The following RAB2A variants were observed in gnomAD, a reference collection of about 807,000 sequenced individuals.
The protein encoded by RAB2A is RAB2A, member RAS oncogene family.
Under a neutral mutation model 32.5 loss-of-function variants are expected in RAB2A, and 7 were observed. The observed-to-expected ratio is 0.22, with a 90% CI of 0.12 to 0.40. RAB2A has a LOEUF of 0.40. Ranked by LOEUF, RAB2A falls within the 10% of genes least tolerant of loss-of-function variation. The pLI is 1.00. For synonymous variants in RAB2A, 79 were observed against 85.2 expected, an observed-to-expected ratio of 0.93 and a Z score of 0.40; for missense variants, 108 against 260.7, an observed-to-expected ratio of 0.41 and a Z score of 4.03.
At chr8:60,591,184 C>T (rs1190454824) in intron 5 of RAB2A, among the ~76,000 whole-genome samples, 3 of 151,398 alleles carry the variant, frequency 2.0e-5, no homozygotes, top group Non-Finnish European at 4.4e-5. Flanking sequence ...ACTGCTACCT[C>T]CCCTCCCCCC....
chr8:60,538,651 C>G (rs1807593209), intron 1 of RAB2A, among the ~76,000 whole-genome samples: 1 of 152,188 alleles, frequency 6.6e-6, no homozygotes, highest in African/African-American at 2.4e-5. Flanking sequence ...TGGACAGCTG[C>G]CCTCTTTGTG....
At chr8:60,526,335 A>T (rs1480319907) in intron 1 of RAB2A, among the ~76,000 whole-genome samples, 1 of 151,912 alleles carries the variant, frequency 6.6e-6, no homozygotes, top group Non-Finnish European at 1.5e-5. Context: ...ACCTACCCAC[A>T]TCCCTTGGCC....
At chr8:60,575,916 A>G (rs946539724) in intron 3 of RAB2A, among the ~76,000 whole-genome samples, 8 of 152,022 alleles carry the variant, frequency 5.3e-5, no homozygotes, top group Non-Finnish European at 8.8e-5. Flanking sequence ...CAGCCTCCCA[A>G]AGTGCTGGGA....
rs1198435785 is a variant in RAB2A, at chr8:60,622,580, G to A, written c.*1811G>A. ...CAGGTACTGCTCTATACCAAGAAGAGAATGATTCTTTGGAAATTGTTATTT... is the reference window on the plus strand; with the variant it reads ...CAGGTACTGCTCTATACCAAGAAGAAAATGATTCTTTGGAAATTGTTATTT... On this transcript the variant is annotated 3_prime_UTR_variant, in exon 8 of 8. Coordinates refer to ENST00000262646, the MANE Select transcript of RAB2A (RefSeq NM_002865.3). 4 of 152,174 alleles carry A rather than the reference G, an allele frequency of 2.6e-5. No individual in the cohort carries two copies. The highest frequency in any genetic ancestry group is 2.0e-4 in the Admixed American group (3 of 15,274). 9.4% of individuals were successfully genotyped at this position (152,174 alleles called of 1,614,324 possible).
intron 1 of RAB2A, among the ~76,000 whole-genome samples, chr8:60,543,941 A>T (rs1051058776): frequency 6.6e-6 from 1 of 151,732 alleles, no homozygotes; most frequent in African/African-American, 2.4e-5. Flanking sequence ...GGGTGCCTGT[A>T]ATCCCAGCTA....
At chr8:60,581,949 T>TC (rs910283988) in intron 3 of RAB2A, among the ~76,000 whole-genome samples, 3 of 150,164 alleles carry the variant, frequency 2.0e-5, no homozygotes, top group Admixed American at 6.6e-5. Flanking sequence ...TTTCTTTCTT[T>TC]TTTTTTTTTT....
At position 60,581,067 on chromosome 8, in the gene RAB2A, G is replaced by A. The variant is rs138308666; in HGVS notation, c.187-3141G>A. Reference sequence around the variant, plus strand: ...TGAGGAATAGATGCTAACACCCTCAGTAGATGCCTGAAATTGCAGATAGTG... The same window carrying A: ...TGAGGAATAGATGCTAACACCCTCAATAGATGCCTGAAATTGCAGATAGTG... On this transcript the variant is annotated intron_variant, in intron 3 of 7. Coordinates refer to ENST00000262646, the MANE Select transcript of RAB2A (RefSeq NM_002865.3). 2.9e-3 allele frequency among the ~76,000 whole-genome samples: 442 copies of A among 152,284 alleles called. 1 individual carries two copies. The highest frequency in any genetic ancestry group is 4.7e-3 in the Non-Finnish European group (322 of 68,016).
At chr8:60,589,109 A>G (rs1803893580) in intron 5 of RAB2A, among the ~76,000 whole-genome samples, 1 of 152,210 alleles carries the variant, frequency 6.6e-6, no homozygotes, top group South Asian at 2.1e-4. Context: ...AAGGTATGAA[A>G]TAATAAGAGG....
intron 1 of RAB2A, among the ~76,000 whole-genome samples, chr8:60,556,677 A>T (rs1807944700): frequency 6.6e-6 from 1 of 151,374 alleles, no homozygotes; most frequent in South Asian, 2.1e-4. Context: ...AAGAAGAAGA[A>T]TATGGAATCC....
At chr8:60,594,703 G>T (rs961450804) in intron 6 of RAB2A, among the ~76,000 whole-genome samples, 2 of 152,080 alleles carry the variant, frequency 1.3e-5, no homozygotes, top group Non-Finnish European at 2.9e-5. Context: ...TCATTGTTCA[G>T]TTCCCACCTA....
intron 1 of RAB2A, among the ~76,000 whole-genome samples, chr8:60,547,610 G>A (rs1297280367): frequency 4.0e-5 from 5 of 125,278 alleles, no homozygotes; most frequent in African/African-American, 1.4e-4. Flanking sequence ...GCCGGGCAGA[G>A]GCGCCCCTCA....
At chr8:60,568,316 C>T (rs934998238) in intron 2 of RAB2A, among the ~76,000 whole-genome samples, 1 of 152,174 alleles carries the variant, frequency 6.6e-6, no homozygotes, top group African/African-American at 2.4e-5. Context: ...TGCCTCTGCA[C>T]ATATCTGTAC....
rs764505675 is a variant in RAB2A, at chr8:60,623,320, GAGTT to G, written c.*2554_*2557del. 2.6e-5 allele frequency: 4 copies of G among 152,174 alleles called. No homozygotes were observed. Among genetic ancestry groups the G allele is most frequent in the African/African-American group, 4.8e-5 (2 of 41,440 alleles). 9.4% of individuals were successfully genotyped at this position (152,174 alleles called of 1,614,324 possible). A position where few individuals can be genotyped will look rare whatever the true frequency, so the allele number is the denominator to read the frequency against. ...CTATTTATCTGCTAATGGTCAAAAAGAGTTAGGATATAAATCGTACCAAAATGTT... is the reference window on the plus strand; with the variant it reads ...CTATTTATCTGCTAATGGTCAAAAAGAGGATATAAATCGTACCAAAATGTT... On this transcript the variant is annotated 3_prime_UTR_variant, in exon 8 of 8. Coordinates refer to ENST00000262646, the MANE Select transcript of RAB2A (RefSeq NM_002865.3).
At chr8:60,517,393 C>T in intron 1 of RAB2A, 140 bp downstream of exon 1, 1 of 798,360 alleles carries the variant, frequency 1.3e-6, no homozygotes, top group Non-Finnish European at 1.8e-6. Flanking sequence ...TTCCGCAGTG[C>T]TGGAGCTGGT....
chr8:60,568,793 AT>A lies in RAB2A; in HGVS notation c.119-3250del, dbSNP rs1646755389. Among the ~76,000 whole-genome samples, 3 of 152,324 alleles carry A rather than the reference AT, an allele frequency of 2.0e-5. 1 individual carries two copies. The South Asian group carries it at 6.2e-4, about 32-fold the overall frequency. The stretch of plus-strand genomic sequence containing the variant: ...AGGTCTTGACTTTGACTCCACAGAA[AT>A]TTATCTAGCAGCCAAATTGGCTGTT... On this transcript the variant is annotated intron_variant, in intron 2 of 7. Coordinates refer to ENST00000262646, the MANE Select transcript of RAB2A (RefSeq NM_002865.3).
At chr8:60,551,509 A>G (rs973658888) in intron 1 of RAB2A, among the ~76,000 whole-genome samples, 9 of 152,216 alleles carry the variant, frequency 5.9e-5, no homozygotes, top group Non-Finnish European at 1.2e-4. Context: ...TAATGTTCTC[A>G]AGTATCCTAT....
intron 1 of RAB2A, chr8:60,552,801 TTC>T (rs1164772062): frequency 6.6e-6 from 1 of 152,182 alleles, no homozygotes; most frequent in African/African-American, 2.4e-5. Context: ...TATGCAAATT[TTC>T]TCTCTCTTAT....
chr8:60,570,971 CT>C (rs1182228385), intron 2 of RAB2A, among the ~76,000 whole-genome samples: 90 of 152,258 alleles, frequency 5.9e-4, no homozygotes, highest in African/African-American at 2.1e-3. Flanking sequence ...TGTGTCTTCC[CT>C]TCACCCTGAC....
At chr8:60,598,810 C>G (rs553132387) in intron 6 of RAB2A, among the ~76,000 whole-genome samples, 1 of 151,026 alleles carries the variant, frequency 6.6e-6, no homozygotes, top group Non-Finnish European at 1.5e-5. Flanking sequence ...AAAAAAAACC[C>G]ACAACTAATG....
Sources: gnomAD v4.1 joint callset for allele counts (sites outside exome capture counted in the v4.1 genomes callset) on GRCh38, gnomAD v4.1.1 for gene constraint, MANE v1.5 for transcripts, NCBI Gene and HGNC (gene_info 2026-07-23, HGNC 2026-07-21) for gene names.